Variants in LRP1B observed in about 807,000 individuals in gnomAD.
LRP1B encodes the protein LDL receptor related protein 1B, also known as low-density lipoprotein receptor-related protein 1B.
A neutral mutation model predicts 556.6 loss-of-function variants in LRP1B; 217 were observed. The ratio of observed to expected loss-of-function variants is 0.39; its 90% CI spans 0.35 to 0.44. The LOEUF (loss-of-function observed/expected upper bound fraction) is 0.44. LRP1B is among the 20% of genes least tolerant of loss of function. LRP1B has a pLI of 1.00. For synonymous variants in LRP1B, 2,047 were observed against 1,865.8 expected, an observed-to-expected ratio of 1.10 and a Z score of -2.50; for missense variants, 5,053 against 5,620.8, an observed-to-expected ratio of 0.90 and a Z score of 3.23.
chr2:140,325,530 G>A (rs1680427704), intron 80 of LRP1B, among the ~76,000 whole-genome samples: 1 of 152,074 alleles, frequency 6.6e-6, no homozygotes, highest in Non-Finnish European at 1.5e-5. Flanking sequence ...TTCTGAATCT[G>A]GGCAGCAATG....
At chr2:141,017,938 C>T (rs1697953849) in intron 12 of LRP1B, among the ~76,000 whole-genome samples, 1 of 150,800 alleles carries the variant, frequency 6.6e-6, no homozygotes, top group South Asian at 2.1e-4. Context: ...GCTATCGAGG[C>T]TGTCGTGAGC....
intron 3 of LRP1B, among the ~76,000 whole-genome samples, chr2:141,409,797 A>T (rs926268650): frequency 1.3e-5 from 2 of 152,110 alleles, no homozygotes; most frequent in African/African-American, 4.8e-5. Context: ...GTAATTATTA[A>T]ATTGGGTGGC....
intron 2 of LRP1B, among the ~76,000 whole-genome samples, chr2:141,800,048 T>G (rs903760868): frequency 3.9e-5 from 6 of 152,178 alleles, no homozygotes; most frequent in African/African-American, 1.2e-4. Context: ...ACATCTCTCT[T>G]TCGTCTTTGG....
At chr2:141,215,213 C>A (rs937999443) in intron 6 of LRP1B, among the ~76,000 whole-genome samples, 5 of 152,128 alleles carry the variant, frequency 3.3e-5, no homozygotes, top group African/African-American at 1.2e-4. Context: ...TGTGAGACAC[C>A]TGCTCCTCCT....
At chr2:141,502,063 TC>T (rs1683734239) in intron 2 of LRP1B, among the ~76,000 whole-genome samples, 3 of 152,016 alleles carry the variant, frequency 2.0e-5, no homozygotes, top group Admixed American at 6.6e-5. Context: ...ATCTGAACAC[TC>T]CCCCCAAACA....
At position 140,291,318 on chromosome 2, in the gene LRP1B, A is replaced by ATATATTTTTT. The variant is rs369391920; in HGVS notation, c.12967+6489_12967+6490insAAAAAATATA. 5.3e-3 allele frequency among the ~76,000 whole-genome samples: 575 copies of ATATATTTTTT among 109,308 alleles called. 15 individuals are homozygous for ATATATTTTTT. Among genetic ancestry groups the ATATATTTTTT allele is most frequent in the Middle Eastern group, 0.016 (3 of 188 alleles). The allele number at this position is 109,308 out of a possible 152,430, so 71.7% of individuals were successfully genotyped here. ...TTATTTTATATATATATATATATATATTTTTATTATACTTTAAGTTCTAGG... is the reference window on the plus strand; with the variant it reads ...TTATTTTATATATATATATATATATATATATTTTTTTTTTTATTATACTTTAAGTTCTAGG... On this transcript the variant is annotated intron_variant, in intron 84 of 90. Transcript: ENST00000389484.
intron 3 of LRP1B, among the ~76,000 whole-genome samples, chr2:141,388,632 G>A (rs11886422): frequency 0.071 from 10,847 of 152,108 alleles, 514 homozygotes; most frequent in African/African-American, 0.13. Flanking sequence ...CACTTCTGCT[G>A]AATGTTGTAC....
chr2:141,293,530 C>G (rs1435839230), intron 3 of LRP1B, among the ~76,000 whole-genome samples: 1 of 152,014 alleles, frequency 6.6e-6, no homozygotes, highest in East Asian at 1.9e-4. Flanking sequence ...GTATAGTTAT[C>G]ATGCATACAC....
chr2:140,442,409 C>G, intron 66 of LRP1B, 95 bp downstream of exon 66: 2 of 1,473,732 alleles, frequency 1.4e-6, no homozygotes, highest in South Asian at 1.4e-5. Context: ...AAGACCTTAG[C>G]TTCAAAAGAA....
intron 3 of LRP1B, among the ~76,000 whole-genome samples, chr2:141,329,834 C>A (rs78921632): frequency 6.6e-6 from 1 of 151,978 alleles, no homozygotes; most frequent in East Asian, 1.9e-4. Context: ...TTAGAAAAGA[C>A]AAGATCATGC....
intron 1 of LRP1B, among the ~76,000 whole-genome samples, chr2:142,022,902 C>A (rs1011749447): frequency 6.6e-6 from 1 of 152,040 alleles, no homozygotes; most frequent in African/African-American, 2.4e-5. Flanking sequence ...GTCTTAATGT[C>A]CTTTCCTCAT....
At chr2:141,654,176 C>G (rs1689910093) in intron 2 of LRP1B, among the ~76,000 whole-genome samples, 1 of 152,122 alleles carries the variant, frequency 6.6e-6, no homozygotes, top group African/African-American at 2.4e-5. Flanking sequence ...GGAATTAGAC[C>G]TTAAATTGCA....
At chr2:141,052,760 C>A (rs1260133635) in intron 10 of LRP1B, among the ~76,000 whole-genome samples, 1 of 152,020 alleles carries the variant, frequency 6.6e-6, no homozygotes, top group Non-Finnish European at 1.5e-5. Flanking sequence ...ACTTCAGCCT[C>A]CCAAGTAGCT....
At chr2:141,410,017 T>C (rs1690792502) in intron 3 of LRP1B, among the ~76,000 whole-genome samples, 1 of 151,966 alleles carries the variant, frequency 6.6e-6, no homozygotes, top group South Asian at 2.1e-4. Context: ...CTAGAGAAAA[T>C]GTGGAGAGTC....
At chr2:140,525,817 C>A in intron 49 of LRP1B, 27 bp downstream of exon 49, 4 of 1,604,552 alleles carry the variant, frequency 2.5e-6, no homozygotes, top group Non-Finnish European at 3.4e-6. Context: ...AAGGCAAAGC[C>A]TGTGTTTTTC....
At chr2:141,347,655 C>T (rs1688301512) in intron 3 of LRP1B, among the ~76,000 whole-genome samples, 1 of 151,872 alleles carries the variant, frequency 6.6e-6, no homozygotes, top group African/African-American at 2.4e-5. Flanking sequence ...ACTAAGGTGG[C>T]ATTCAATTTA....
At chr2:141,588,177 T>C (rs1574110409) in intron 2 of LRP1B, among the ~76,000 whole-genome samples, 1 of 152,152 alleles carries the variant, frequency 6.6e-6, no homozygotes, top group East Asian at 1.9e-4. Context: ...CTGCAATGTG[T>C]CCACAATATC....
At chr2:141,378,908 T>A (rs1337750508) in intron 3 of LRP1B, among the ~76,000 whole-genome samples, 1 of 152,142 alleles carries the variant, frequency 6.6e-6, no homozygotes, top group Non-Finnish European at 1.5e-5. Flanking sequence ...ACCACTCATA[T>A]AACGGAAATC....
intron 1 of LRP1B, among the ~76,000 whole-genome samples, chr2:141,977,459 G>T (rs557814141): frequency 6.6e-6 from 1 of 152,246 alleles, no homozygotes; most frequent in Non-Finnish European, 1.5e-5. Flanking sequence ...CCACTTGGGA[G>T]GCTGAGGCAG....
Sources: gnomAD v4.1 joint callset for allele counts (sites outside exome capture counted in the v4.1 genomes callset) on GRCh38, gnomAD v4.1.1 for gene constraint, MANE v1.5 for transcripts, NCBI Gene and HGNC (gene_info 2026-07-23, HGNC 2026-07-21) for gene names.